UTRN: variants seen among roughly 807,000 people sequenced by gnomAD.
UTRN encodes dystrophin-related protein 1.
UTRN carries 283 observed loss-of-function variants against 463.9 expected under a neutral mutation model. The ratio of observed to expected loss-of-function variants is 0.61; its 90% CI spans 0.55 to 0.67. The LOEUF (loss-of-function observed/expected upper bound fraction) is 0.67. Among genes scored for constraint, UTRN ranks in the 30% least tolerant of loss-of-function variants. UTRN has a pLI of 0.00. For synonymous variants in UTRN, 1,442 were observed against 1,431.5 expected, an observed-to-expected ratio of 1.01 and a Z score of -0.17; for missense variants, 3,922 against 4,084.3, an observed-to-expected ratio of 0.96 and a Z score of 1.08.
At chr6:144,728,051 A>C (rs971584014) in intron 53 of UTRN, among the ~76,000 whole-genome samples, 1 of 151,234 alleles carries the variant, frequency 6.6e-6, no homozygotes, top group African/African-American at 2.4e-5. Flanking sequence ...AAGTGAGCCA[A>C]GATTATGCCA....
At position 144,533,408 on chromosome 6, in the gene UTRN, C is replaced by T. The variant is rs541828871; in HGVS notation, c.6233+148C>T. 5.7e-5 allele frequency: 78 copies of T among 1,365,074 alleles called. No individual in the cohort carries two copies. The South Asian group carries it at 1.1e-3, about 18-fold the overall frequency. 84.6% of individuals were successfully genotyped at this position (1,365,074 alleles called of 1,614,324 possible). Reference sequence around the variant, plus strand: ...AAGACCTCCACTGCCCACGTTCTCCCTTCCTGTATTTTTAGGCTGTCCATA... The same window carrying T: ...AAGACCTCCACTGCCCACGTTCTCCTTTCCTGTATTTTTAGGCTGTCCATA... On this transcript the variant is annotated intron_variant, in intron 43 of 74. Transcript: ENST00000367545.
intron 2 of UTRN, among the ~76,000 whole-genome samples, chr6:144,347,850 G>GTTTTTTTTTTTGTTTTTTTTTTTT (rs1777738148): frequency 7.8e-6 from 1 of 128,600 alleles, no homozygotes; most frequent in Admixed American, 7.5e-5. Context: ...TTTTTTTTTT[G>GTTTTTTTTTTTGTTTTTTTTTTTT]TTTTTTTTTT....
At chr6:144,599,305 A>G (rs886835928) in intron 51 of UTRN, among the ~76,000 whole-genome samples, 3 of 152,178 alleles carry the variant, frequency 2.0e-5, no homozygotes, top group Non-Finnish European at 2.9e-5. Context: ...TTCTCTTGAT[A>G]TTATTTTATA....
chr6:144,634,879 A>C (rs76796350), intron 51 of UTRN, among the ~76,000 whole-genome samples: 113 of 152,062 alleles, frequency 7.4e-4, no homozygotes, highest in African/African-American at 2.6e-3. Context: ...ATAATATTCC[A>C]CTGTGTGGAT....
At chr6:144,618,343 C>A (rs998214083) in intron 51 of UTRN, among the ~76,000 whole-genome samples, 36 of 152,218 alleles carry the variant, frequency 2.4e-4, no homozygotes, top group African/African-American at 8.4e-4. Flanking sequence ...ATTGATGATA[C>A]TACTAAGTAC....
At chr6:144,350,440 C>G (rs1371929376) in intron 2 of UTRN, among the ~76,000 whole-genome samples, 2 of 152,082 alleles carry the variant, frequency 1.3e-5, no homozygotes, top group Non-Finnish European at 2.9e-5. Flanking sequence ...AAATTGAAAC[C>G]ATCCTGATTT....
intron 51 of UTRN, among the ~76,000 whole-genome samples, chr6:144,629,616 G>A (rs902021285): frequency 2.4e-4 from 37 of 152,304 alleles, no homozygotes; most frequent in African/African-American, 8.9e-4. Flanking sequence ...ATGCCTAAGT[G>A]TTTAAGTCTA....
In UTRN at chr6:144,426,344, A is replaced by T. The variant is rs778545466; in HGVS notation, c.463A>T (p.Ile155Phe). The stretch of plus-strand genomic sequence containing the variant: ...CCTGCAGCAGACGAACAGTGAGAAG[A>T]TCCTGCTCAGCTGGGTGCGTCAGAC... ...SDLQQTNSEK[I>F]LLSWVRQTTR... Residue 155 changes from isoleucine to phenylalanine, a missense_variant, in exon 7 of 75, where the codon ATC (isoleucine) becomes TTC (phenylalanine). Transcript: ENST00000367545. 2.5e-6 allele frequency: 4 copies of T among 1,614,052 alleles called. No individual in the cohort carries two copies. In the East Asian group the frequency reaches 8.9e-5, roughly 36 times the overall value.
chr6:144,484,288 T>C (rs1792193765), intron 27 of UTRN, among the ~76,000 whole-genome samples: 1 of 151,994 alleles, frequency 6.6e-6, no homozygotes, highest in Non-Finnish European at 1.5e-5. Context: ...TAGAAAAAAG[T>C]TGGGAAGGCT....
chr6:144,762,817 C>T (rs1043257690), intron 58 of UTRN, among the ~76,000 whole-genome samples: 3 of 152,192 alleles, frequency 2.0e-5, no homozygotes, highest in African/African-American at 7.2e-5. Context: ...ACTTGAAACA[C>T]AGATGGTTCT....
chr6:144,585,132 T>C (rs1277193791), intron 51 of UTRN, among the ~76,000 whole-genome samples: 2 of 152,104 alleles, frequency 1.3e-5, no homozygotes, highest in African/African-American at 2.4e-5. Flanking sequence ...AGTTGCTAAT[T>C]AGTTTGCTAA....
At chr6:144,783,337 A>G (rs570638217) in intron 61 of UTRN, among the ~76,000 whole-genome samples, 1 of 152,360 alleles carries the variant, frequency 6.6e-6, no homozygotes, top group Non-Finnish European at 1.5e-5. Context: ...ATCATTCATA[A>G]ATGCACACAT....
At chr6:144,655,777 A>G (rs1481203701) in intron 51 of UTRN, among the ~76,000 whole-genome samples, 3 of 152,252 alleles carry the variant, frequency 2.0e-5, no homozygotes, top group Non-Finnish European at 4.4e-5. Flanking sequence ...AGTAAGATGT[A>G]AAGTTCTTAT....
At position 144,852,442 on chromosome 6, in the gene UTRN, G is replaced by C. The variant is rs1055992015; in HGVS notation, c.*1445G>C. The C allele has an allele frequency of 6.6e-6, 1 of 152,472 alleles. No individual in the cohort carries two copies. Among genetic ancestry groups the C allele is most frequent in the South Asian group, 2.1e-4 (1 of 4,820 alleles). 9.4% of individuals were successfully genotyped at this position (152,472 alleles called of 1,614,324 possible). ...ACATTTTAACTTTGGGTTCTCTTTA[G>C]CTGGGATCTGGCCAGAAGGAGGCTT... On this transcript the variant is annotated 3_prime_UTR_variant, in exon 75 of 75. Coordinates refer to ENST00000367545, the MANE Select transcript of UTRN (RefSeq NM_007124.3).
chr6:144,677,886 A>G (rs1203272907), intron 51 of UTRN, among the ~76,000 whole-genome samples: 1 of 152,156 alleles, frequency 6.6e-6, no homozygotes, highest in Non-Finnish European at 1.5e-5. Flanking sequence ...TTTGTTGGCC[A>G]CATAAATGTC....
At chr6:144,378,411 T>A (rs1203341060) in intron 2 of UTRN, among the ~76,000 whole-genome samples, 1 of 152,200 alleles carries the variant, frequency 6.6e-6, no homozygotes, top group Non-Finnish European at 1.5e-5. Flanking sequence ...CAATATGTAA[T>A]CAAATTAAGA....
Position 144,820,921 on chromosome 6 carries a change from C to G in UTRN, c.9397C>G (p.Leu3133Val). The G allele has an allele frequency of 6.2e-7, 1 of 1,613,864 alleles. No homozygotes were observed. The highest frequency in any genetic ancestry group is 8.5e-7 in the Non-Finnish European group (1 of 1,179,852). Residue 3133 changes from leucine to valine, a missense_variant, in exon 66 of 75, where the codon CTT becomes GTT. Coordinates refer to ENST00000367545, the MANE Select transcript of UTRN (RefSeq NM_007124.3). The stretch of plus-strand genomic sequence containing the variant: ...AGATGTACGAGACTTCACAAAGGTA[C>G]TTAAGAACAAGTTCAGGTCGAAGAA... ...GEDVRDFTKV[L>V]KNKFRSKKYF...
At chr6:144,618,666 A>T (rs1040316791) in intron 51 of UTRN, among the ~76,000 whole-genome samples, 10 of 152,108 alleles carry the variant, frequency 6.6e-5, no homozygotes, top group African/African-American at 2.4e-4. Flanking sequence ...TTTGACAGAT[A>T]TTTATTTTTG....
intron 52 of UTRN, among the ~76,000 whole-genome samples, chr6:144,681,510 G>A (rs111358999): frequency 4.5e-4 from 69 of 152,264 alleles, no homozygotes; most frequent in African/African-American, 1.6e-3. Flanking sequence ...GTAAGATCAG[G>A]CCTGCAGAGT....
Sources: allele counts gnomAD v4.1 joint callset (sites outside exome capture counted in the v4.1 genomes callset), GRCh38; gene constraint gnomAD v4.1.1; transcripts MANE v1.5; gene names NCBI Gene and HGNC (gene_info 2026-07-23, HGNC 2026-07-21).